Variants in PSMA2 observed in about 807,000 individuals in gnomAD.
The protein encoded by PSMA2 is proteasome subunit alpha type-2.
A neutral mutation model predicts 35.9 loss-of-function variants in PSMA2; 2 were observed. The ratio of observed to expected loss-of-function variants is 0.06; its 90% CI spans 0.02 to 0.18. The LOEUF (loss-of-function observed/expected upper bound fraction) is 0.18, where lower values mean the gene tolerates loss of function less well. Ranked by LOEUF, PSMA2 falls within the 10% of genes least tolerant of loss-of-function variation. The pLI is 1.00. For synonymous variants in PSMA2, 97 were observed against 98.2 expected, an observed-to-expected ratio of 0.99 and a Z score of 0.07; for missense variants, 126 against 278.8, an observed-to-expected ratio of 0.45 and a Z score of 3.90.
At chr7:42,928,879 GA>G (rs1786252336) in intron 1 of PSMA2, among the ~76,000 whole-genome samples, 3 of 152,210 alleles carry the variant, frequency 2.0e-5, no homozygotes, top group Admixed American at 6.5e-5. Flanking sequence ...TGTCCTAAGG[GA>G]AGTTGCCCTG....
At chr7:42,927,572 G>A in intron 1 of PSMA2, 113 bp from the exon 2 acceptor site, 2 of 1,003,196 alleles carry the variant, frequency 2.0e-6, no homozygotes, top group East Asian at 2.6e-5. Flanking sequence ...CAACTCCAGG[G>A]AGTAACTGGC....
chr7:42,928,911 A>ATACC (rs1786252667), intron 1 of PSMA2, among the ~76,000 whole-genome samples: 1 of 152,114 alleles, frequency 6.6e-6, no homozygotes, highest in Non-Finnish European at 1.5e-5. Context: ...ATTAAGTTGA[A>ATACC]TACCTATTCA....
At position 42,927,699 on chromosome 7, in the gene PSMA2, A is replaced by G. The variant is rs191614531; in HGVS notation, c.42-240T>C. Among the ~76,000 whole-genome samples the G allele has an allele frequency of 7.2e-5, 11 of 152,326 alleles. No individual in the cohort carries two copies. In the East Asian group the frequency reaches 2.1e-3, roughly 29 times the overall value. ...GACGGGTGGATCACCTGAGGTCAGG[A>G]GTTCGAGACCAGCCTGACTAACATG... On this transcript the variant is annotated intron_variant, in intron 1 of 7. Transcript: ENST00000223321.
intron 4 of PSMA2, among the ~76,000 whole-genome samples, 162 bp downstream of exon 4, chr7:42,924,513 T>C (rs1260367390): frequency 6.6e-6 from 1 of 152,100 alleles, no homozygotes; most frequent in Admixed American, 6.6e-5. Context: ...CTTAAATAAA[T>C]ACTCCAGAGC....
intron 6 of PSMA2, chr7:42,920,194 C>A (rs1786104429): frequency 6.5e-6 from 2 of 308,510 alleles, no homozygotes; most frequent in South Asian, 7.9e-5. Context: ...GCAAAAACAG[C>A]AATAAATAAT....
chr7:42,921,583 C>T (rs1583606063), intron 6 of PSMA2: 2 of 269,294 alleles, frequency 7.4e-6, no homozygotes, highest in East Asian at 6.5e-5. Context: ...TGAAATGGCA[C>T]AAAAAGTGAA....
intron 3 of PSMA2, among the ~76,000 whole-genome samples, chr7:42,926,172 A>T (rs1284100441): frequency 6.6e-6 from 1 of 152,246 alleles, no homozygotes; most frequent in Non-Finnish European, 1.5e-5. Context: ...TTTTTAAAAT[A>T]TAGTTTATTA....
chr7:42,930,101 C>A (rs1239676277), intron 1 of PSMA2, among the ~76,000 whole-genome samples: 2 of 152,090 alleles, frequency 1.3e-5, no homozygotes, highest in Non-Finnish European at 2.9e-5. Context: ...ACTGTTTCAT[C>A]CTGTATGGTC....
rs140552500 is a variant in PSMA2, at chr7:42,926,559, G to A, written c.228C>T (p.Tyr76=). The change falls in exon 3 of 8, where the codon TAC becomes TAT. Residue 76 remains tyrosine, a synonymous_variant. Transcript: ENST00000223321. ...ACCTGTAATCGGGGCCCATGCCACTGTACACCAAACCTATATGCTTGGTAA... is the reference window on the plus strand; with the variant it reads ...ACCTGTAATCGGGGCCCATGCCACTATACACCAAACCTATATGCTTGGTAA... ...EPITKHIGLV[Y]SGMGPDYRVL... is the part of the protein sequence containing the mutation. The A allele has an allele frequency of 8.7e-6, 14 of 1,600,474 alleles. No individual in the cohort carries two copies. The highest frequency in any genetic ancestry group is 2.7e-5 in the African/African-American group (2 of 73,998).
At chr7:42,918,528 T>TA (rs1786069242) in intron 6 of PSMA2, 1 of 152,178 alleles carries the variant, frequency 6.6e-6, no homozygotes, top group African/African-American at 2.4e-5. Context: ...CCCCATCCCC[T>TA]ACTTTCCTCC....
Position 42,917,645 on chromosome 7 carries a change from T to C in PSMA2, c.634A>G (p.Ile212Val), listed in dbSNP as rs771816510. 1 of 1,613,802 alleles carries C rather than the reference T, an allele frequency of 6.2e-7. No individual in the cohort carries two copies. Among genetic ancestry groups the C allele is most frequent in the East Asian group, 2.2e-5 (1 of 44,802 alleles). ...CTCCTAAATCCAGCTTCATTGCAGA[T>C]TCCAACTTCTATGTTATCCTCTGTC... is the stretch of plus-strand genomic sequence containing the variant. ...QMTEDNIEVGICNEAGFRRLT... is the reference protein window; with the variant it reads ...QMTEDNIEVGVCNEAGFRRLT... Residue 212 changes from isoleucine to valine, a missense_variant, in exon 8 of 8, where the codon ATC becomes GTC. Transcript: ENST00000223321.
chr7:42,932,081 T>C, intron 1 of PSMA2, 37 bp downstream of exon 1: 2 of 1,613,668 alleles, frequency 1.2e-6, no homozygotes, highest in Non-Finnish European at 1.7e-6. Flanking sequence ...ACCAGCAACC[T>C]CGACTACGCT....
rs139138958 is a variant in PSMA2 at position 42,920,553 on chromosome 7, C to T, written c.530+1305G>A. 4.6e-5 allele frequency: 7 copies of T among 152,308 alleles called. No homozygotes were observed. The East Asian group carries it at 1.3e-3, about 29-fold the overall frequency. The allele number at this position is 152,308 out of a possible 1,614,324, so 9.4% of individuals were successfully genotyped here. A position where few individuals can be genotyped will look rare whatever the true frequency, so the allele number is the denominator to read the frequency against. On this transcript the variant is annotated intron_variant, in intron 6 of 7. Transcript: ENST00000223321. ...TCTTTCATTGTACACTGGTTCTGAA[C>T]ATCTAATTATTTTTAGTTGTCTAAA...
chr7:42,927,131 A>G (rs201730114), intron 2 of PSMA2, among the ~76,000 whole-genome samples: 1 of 3,732 alleles, frequency 2.7e-4, no homozygotes, highest in South Asian at 0.019. Flanking sequence ...ACAAAAAAAG[A>G]ACTCAGTTTT....
Position 42,923,416 on chromosome 7 carries a change from G to A in PSMA2, c.375-10C>T. 1 of 1,606,882 alleles carries A rather than the reference G, an allele frequency of 6.2e-7. No homozygotes were observed. Among genetic ancestry groups the A allele is most frequent in the East Asian group, 2.2e-5 (1 of 44,760 alleles). On this transcript the variant is annotated splice_polypyrimidine_tract_variant and intron_variant, in intron 4 of 7. Transcript: ENST00000223321. ...AAATGGACGAACACCACTGCAGGGA[G>A]GAAAATGAAAATTACTTGGCATTTT...
chr7:42,920,060 T>C, intron 6 of PSMA2: 1 of 632,762 alleles, frequency 1.6e-6, no homozygotes, highest in Non-Finnish European at 2.9e-6. Context: ...TCAGATTCCA[T>C]CTATTCTTCA....
intron 6 of PSMA2, 120 bp from the exon 7 acceptor site, chr7:42,917,955 C>T (rs1368578256): frequency 2.9e-6 from 2 of 691,448 alleles, no homozygotes; most frequent in Non-Finnish European, 2.3e-6. Flanking sequence ...TACTAAATTA[C>T]ACATTCTTTT....
intron 2 of PSMA2, 115 bp from the exon 3 acceptor site, chr7:42,926,783 C>A (rs1786223981): frequency 8.1e-7 from 1 of 1,231,684 alleles, no homozygotes; most frequent in Non-Finnish European, 1.1e-6. Flanking sequence ...ATTTATAAAA[C>A]CTTTTCTTCC....
At chr7:42,931,645 A>C (rs533331255) in intron 1 of PSMA2, among the ~76,000 whole-genome samples, 2 of 152,288 alleles carry the variant, frequency 1.3e-5, no homozygotes, top group South Asian at 4.1e-4. Context: ...CACTAGTGCC[A>C]AATGGAGACC....
Sources: gnomAD v4.1 joint callset for allele counts (sites outside exome capture counted in the v4.1 genomes callset) on GRCh38, gnomAD v4.1.1 for gene constraint, MANE v1.5 for transcripts, NCBI Gene and HGNC (gene_info 2026-07-23, HGNC 2026-07-21) for gene names.